The following ARMH1 variants were observed in gnomAD, a reference collection of about 807,000 sequenced individuals.
The protein encoded by ARMH1 is armadillo like helical domain containing 1.
Under a neutral mutation model 50.2 loss-of-function variants are expected in ARMH1, and 34 were observed. The observed-to-expected ratio is 0.68, with a 90% CI of 0.51 to 0.90. The LOEUF (loss-of-function observed/expected upper bound fraction) is 0.90, where lower values mean the gene tolerates loss of function less well. Among genes scored for constraint, ARMH1 ranks in the 40% least tolerant of loss-of-function variants. ARMH1 has a pLI of 0.00. For synonymous variants in ARMH1, 221 were observed against 224.2 expected, an observed-to-expected ratio of 0.99 and a Z score of 0.13; for missense variants, 538 against 553.9, an observed-to-expected ratio of 0.97 and a Z score of 0.29.
chr1:44,696,562 G>A (rs1002307145), intron 2 of ARMH1, among the ~76,000 whole-genome samples: 1 of 152,084 alleles, frequency 6.6e-6, no homozygotes, highest in African/African-American at 2.4e-5. Flanking sequence ...AAATACTGAG[G>A]TTGTTTTAAA....
At chr1:44,708,904 C>A (rs760491725) in intron 6 of ARMH1, among the ~76,000 whole-genome samples, 5 of 152,152 alleles carry the variant, frequency 3.3e-5, no homozygotes, top group Non-Finnish European at 5.9e-5. Context: ...TCACCTCTCC[C>A]TTTTTCTCTG....
intron 2 of ARMH1, among the ~76,000 whole-genome samples, chr1:44,693,926 T>C (rs1055371858): frequency 3.3e-5 from 5 of 152,190 alleles, no homozygotes; most frequent in African/African-American, 1.2e-4. Context: ...AGCTGTCCTC[T>C]CTTCTACCTT....
rs1007407947 is a variant in ARMH1, at chr1:44,681,179, TAGAG to T, written c.-23+6309_-23+6312del. ...CCGGCTAACTTTTTGTATTTTTTAG[TAGAG>T]AGGGGGTTTCACCGTGTTAGCCAGG... On this transcript the variant is annotated intron_variant, in intron 1 of 11. Transcript: ENST00000535358. The surrounding 1 kb of genome is among the most constrained non-coding windows in gnomAD (Gnocchi z 4.3). Among the ~76,000 whole-genome samples, 2 of 151,268 alleles carry T rather than the reference TAGAG, an allele frequency of 1.3e-5. No individual in the cohort carries two copies. Among genetic ancestry groups the T allele is most frequent in the Admixed American group, 1.3e-4 (2 of 15,128 alleles).
chr1:44,703,676 C>T (rs1406782005), intron 5 of ARMH1, among the ~76,000 whole-genome samples: 8 of 146,510 alleles, frequency 5.5e-5, no homozygotes, highest in Admixed American at 4.1e-4. Flanking sequence ...TGCAGTGAGC[C>T]GAGATCGCGC....
At chr1:44,684,269 G>A (rs559262474) in intron 1 of ARMH1, 4 of 152,044 alleles carry the variant, frequency 2.6e-5, no homozygotes, top group Non-Finnish European at 5.9e-5. Flanking sequence ...TAGTTAATGG[G>A]TCTTTTTTTA....
At chr1:44,697,301 C>G (rs2148645885) in intron 3 of ARMH1, 131 bp downstream of exon 3, 2 of 712,854 alleles carry the variant, frequency 2.8e-6, no homozygotes, top group Non-Finnish European at 4.9e-6. Context: ...TGGGATGGGC[C>G]CAGAGGTAAT....
At chr1:44,701,679 A>T (rs1646087902) in intron 5 of ARMH1, among the ~76,000 whole-genome samples, 1 of 152,162 alleles carries the variant, frequency 6.6e-6, no homozygotes, top group Non-Finnish European at 1.5e-5. Flanking sequence ...CTGTAATCCC[A>T]GCACTTTGGG....
Position 44,724,623 on chromosome 1 carries a change from C to T in ARMH1, c.1005C>T (p.Asn335=). Residue 335 remains asparagine (N), a synonymous_variant, in exon 9 of 12, where the codon AAC becomes AAT. Coordinates refer to ENST00000535358, the MANE Select transcript of ARMH1 (RefSeq NM_001145636.2). The surrounding 1 kb of genome is among the most constrained non-coding windows in gnomAD (Gnocchi z 6.4). ...VVRGLMAAMG[N]TDHSNSQRLA... ...GTGGCCTAATGGCCGCCATGGGCAA[C>T]ACGGACCACAGCAACAGCCAGCGGC... 1 of 1,511,494 alleles carries T rather than the reference C, an allele frequency of 6.6e-7. No homozygotes were observed. Among genetic ancestry groups the T allele is most frequent in the Non-Finnish European group, 8.8e-7 (1 of 1,133,592 alleles). 93.6% of individuals were successfully genotyped at this position (1,511,494 alleles called of 1,614,324 possible).
At chr1:44,708,610 G>T (rs1173852164) in intron 6 of ARMH1, among the ~76,000 whole-genome samples, 1 of 152,136 alleles carries the variant, frequency 6.6e-6, no homozygotes, top group Non-Finnish European at 1.5e-5. Flanking sequence ...GAAAGCTACA[G>T]GGAAAGTGGC....
At position 44,701,006 on chromosome 1, in the gene ARMH1, G is replaced by A. The variant is rs1310457859; in HGVS notation, c.526G>A (p.Val176Ile). The change falls in exon 5 of 12, where the codon GTC becomes ATC. Residue 176 changes from valine (V) to isoleucine (I), a missense_variant. By Grantham distance (29) the Val-to-Ile change is conservative. Transcript: ENST00000535358. ...EEVQVLLDSL[V>I]HGNPKYQNQV... Reference sequence around the variant, plus strand: ...AGTGCAGGTTCTGTTGGATTCTTTGGTCCACGGCAATCCCAAGTACCAAAA... The same window carrying A: ...AGTGCAGGTTCTGTTGGATTCTTTGATCCACGGCAATCCCAAGTACCAAAA... The A allele has an allele frequency of 1.3e-6, 2 of 1,551,518 alleles. No homozygotes were observed. Among genetic ancestry groups the A allele is most frequent in the African/African-American group, 2.7e-5 (2 of 73,004 alleles).
intron 6 of ARMH1, among the ~76,000 whole-genome samples, chr1:44,718,977 A>G (rs934263107): frequency 6.7e-6 from 1 of 148,362 alleles, no homozygotes; most frequent in African/African-American, 2.5e-5. Flanking sequence ...GTGAGCTAAG[A>G]TCGCACCATA....
chr1:44,723,317 T>C (rs1180878006), intron 6 of ARMH1, among the ~76,000 whole-genome samples: 2 of 152,212 alleles, frequency 1.3e-5, no homozygotes, highest in African/African-American at 2.4e-5. Flanking sequence ...ATTCAGTCTG[T>C]ATCCTCAACA....
At position 44,724,084 on chromosome 1, in the gene ARMH1, GC is replaced by G; in HGVS notation, c.725-36del. On this transcript the variant is annotated intron_variant, in intron 6 of 11. Transcript: ENST00000535358. The surrounding 1 kb of genome is among the most constrained non-coding windows in gnomAD (Gnocchi z 6.4). ...TCTTTGCTTCCTCGGTGGCGGAGGG[GC>G]CTGGGGCCTCTCTCCAGCACCTCTG... 6.5e-7 allele frequency: 1 copy of G among 1,543,200 alleles called. No individual in the cohort carries two copies. Among genetic ancestry groups the G allele is most frequent in the Non-Finnish European group, 8.8e-7 (1 of 1,142,510 alleles).
At chr1:44,686,677 A>T (rs1024153496) in intron 1 of ARMH1, among the ~76,000 whole-genome samples, 2 of 152,196 alleles carry the variant, frequency 1.3e-5, no homozygotes, top group African/African-American at 4.8e-5. Context: ...CTGCATCTCA[A>T]AAAATAATAA....
intron 5 of ARMH1, among the ~76,000 whole-genome samples, chr1:44,703,872 G>A (rs560930636): frequency 3.3e-5 from 5 of 150,938 alleles, no homozygotes; most frequent in Non-Finnish European, 3.0e-5. Context: ...GACTACAGGC[G>A]CCTGGCACCA....
Position 44,713,186 on chromosome 1 carries a change from C to A in ARMH1, c.724+9013C>A, listed in dbSNP as rs1464673696. Among the ~76,000 whole-genome samples, 4 of 150,018 alleles carry A rather than the reference C, an allele frequency of 2.7e-5. No homozygotes were observed. In the Admixed American group the frequency reaches 2.7e-4, roughly 10 times the overall value. On this transcript the variant is annotated intron_variant, in intron 6 of 11. Transcript: ENST00000535358. ...TGATCTTGGCTCACTGCAACCTACA[C>A]CTCCTGGATTCAAGCAATTTTCGTG... is the stretch of plus-strand genomic sequence containing the variant.
intron 2 of ARMH1, among the ~76,000 whole-genome samples, chr1:44,696,022 G>A (rs1388401114): frequency 6.6e-6 from 1 of 151,534 alleles, no homozygotes; most frequent in African/African-American, 2.4e-5. Flanking sequence ...AGCCTAGCCT[G>A]AAGAAAAAGG....
At chr1:44,714,025 C>T (rs914496699) in intron 6 of ARMH1, among the ~76,000 whole-genome samples, 1 of 152,130 alleles carries the variant, frequency 6.6e-6, no homozygotes, top group Non-Finnish European at 1.5e-5. Flanking sequence ...CGCATGTACC[C>T]AGCACTTTGG....
At chr1:44,686,103 C>T (rs1028994619) in intron 1 of ARMH1, among the ~76,000 whole-genome samples, 1 of 152,160 alleles carries the variant, frequency 6.6e-6, no homozygotes, top group Non-Finnish European at 1.5e-5. Context: ...CCCAGGACAA[C>T]ATTTGCATAC....
Sources: gnomAD v4.1 joint callset for allele counts (sites outside exome capture counted in the v4.1 genomes callset) on GRCh38, gnomAD v4.1.1 for gene constraint, Gnocchi (gnomAD v3.1) non-coding constraint, MANE v1.5 for transcripts, NCBI Gene and HGNC (gene_info 2026-07-23, HGNC 2026-07-21) for gene names.